Variants in PTGER3 observed in about 807,000 individuals in gnomAD.
PTGER3 encodes prostaglandin E2 receptor EP3 subtype.
Under a neutral mutation model 34.7 loss-of-function variants are expected in PTGER3, and 22 were observed. The observed-to-expected ratio is 0.63, with a 90% CI of 0.45 to 0.91. PTGER3 has a LOEUF of 0.91. Ranked by LOEUF, PTGER3 falls within the 40% of genes least tolerant of loss-of-function variation. The pLI is 0.00. For missense variants in PTGER3, 468 were observed against 519.4 expected, an observed-to-expected ratio of 0.90 and a Z score of 0.96; for synonymous variants, 241 against 230.1, an observed-to-expected ratio of 1.05 and a Z score of -0.43.
chr1:70,947,248 C>A (rs954990767), intron 4 of PTGER3: 3 of 152,118 alleles, frequency 2.0e-5, no homozygotes, highest in African/African-American at 4.8e-5. Context: ...AATTGTATCT[C>A]CCAGAATTCC....
chr1:70,960,242 C>T (rs1651789047), intron 2 of PTGER3, among the ~76,000 whole-genome samples: 1 of 152,130 alleles, frequency 6.6e-6, no homozygotes, highest in South Asian at 2.1e-4. Flanking sequence ...TGTGGTATTT[C>T]ATGATGTCAA....
Position 71,008,424 on chromosome 1 carries a change from T to C in PTGER3, c.1077+3881A>G, listed in dbSNP as rs1306145929. ...TATAAATTATAACCCTTAAATAGAA[T>C]CTTCATTTTAGGAATTATAAAAGGG... On this transcript the variant is annotated intron_variant, in intron 2 of 3. Transcript: ENST00000306666. The C allele has an allele frequency of 5.7e-6, 5 of 882,952 alleles. No homozygotes were observed. In the South Asian group the frequency reaches 2.6e-4, roughly 46 times the overall value. The allele number at this position is 882,952 out of a possible 1,614,324, so 54.7% of individuals were successfully genotyped here. A position where few individuals can be genotyped will look rare whatever the true frequency, so the allele number is the denominator to read the frequency against.
intron 2 of PTGER3, among the ~76,000 whole-genome samples, chr1:70,954,034 G>T (rs950496304): frequency 2.0e-5 from 3 of 152,080 alleles, no homozygotes; most frequent in Non-Finnish European, 4.4e-5. Flanking sequence ...CTAGTCATAG[G>T]CATGCTTTTC....
intron 2 of PTGER3, chr1:71,008,157 G>A (rs1657129660): frequency 1.0e-6 from 1 of 964,860 alleles, no homozygotes; most frequent in African/African-American, 1.8e-5. Flanking sequence ...TAGAGTCAAG[G>A]GGACTAGGAG....
intron 4 of PTGER3, among the ~76,000 whole-genome samples, chr1:70,867,832 A>G (rs1646075668): frequency 6.6e-6 from 1 of 152,198 alleles, no homozygotes; most frequent in East Asian, 1.9e-4. Flanking sequence ...GAGTCACAAG[A>G]CAGAAACTTG....
chr1:70,911,228 A>C (rs1557649099), intron 4 of PTGER3, among the ~76,000 whole-genome samples: 1 of 151,386 alleles, frequency 6.6e-6, no homozygotes, highest in Non-Finnish European at 1.5e-5. Flanking sequence ...CAGAGAGACA[A>C]GCAAACATAC....
intron 2 of PTGER3, among the ~76,000 whole-genome samples, chr1:70,981,371 CTTTCTTTCT>C (rs1291762672): frequency 4.9e-5 from 5 of 102,670 alleles, no homozygotes; most frequent in African/African-American, 1.6e-4. Flanking sequence ...TTCTTTCTTT[CTTTCTTTCT>C]TTCTTTCTTT....
At chr1:70,982,554 C>G (rs1444156678) in intron 2 of PTGER3, among the ~76,000 whole-genome samples, 1 of 152,146 alleles carries the variant, frequency 6.6e-6, no homozygotes, top group East Asian at 1.9e-4. Flanking sequence ...GACATCCCAA[C>G]ATACATGTTT....
chr1:70,999,906 C>T (rs1656324250), intron 2 of PTGER3, among the ~76,000 whole-genome samples: 1 of 152,160 alleles, frequency 6.6e-6, no homozygotes, highest in Non-Finnish European at 1.5e-5. Context: ...CAGAAGTGGT[C>T]CTGGATCAAA....
At chr1:70,936,266 A>AGTG (rs1477663492) in intron 4 of PTGER3, among the ~76,000 whole-genome samples, 1 of 152,176 alleles carries the variant, frequency 6.6e-6, no homozygotes, top group African/African-American at 2.4e-5. Context: ...AGGTGATTTT[A>AGTG]GTGCACACTA....
chr1:70,981,886 T>C (rs75723959), intron 2 of PTGER3, among the ~76,000 whole-genome samples: 36 of 152,236 alleles, frequency 2.4e-4, no homozygotes, highest in African/African-American at 7.5e-4. Flanking sequence ...AATTGACTCA[T>C]GGCCCTCCAG....
At chr1:70,925,823 T>C (rs1267509449) in intron 4 of PTGER3, among the ~76,000 whole-genome samples, 1 of 152,150 alleles carries the variant, frequency 6.6e-6, no homozygotes, top group Non-Finnish European at 1.5e-5. Context: ...TGTTCTAGGA[T>C]GTAAGTCGGT....
intron 2 of PTGER3, chr1:71,009,041 T>C (rs781775458): frequency 9.1e-6 from 9 of 985,072 alleles, no homozygotes; most frequent in Non-Finnish European, 1.1e-5. Flanking sequence ...AAAGAACTAT[T>C]AGTGATTGCT....
chr1:70,862,165 G>A (rs1645941522), intron 4 of PTGER3: 1 of 390,976 alleles, frequency 2.6e-6, no homozygotes, highest in Non-Finnish European at 4.1e-6. Context: ...GAATTTCAGG[G>A]AACCAAAATT....
At chr1:70,929,116 C>T (rs866766069) in intron 4 of PTGER3, among the ~76,000 whole-genome samples, 2 of 152,120 alleles carry the variant, frequency 1.3e-5, no homozygotes, top group Non-Finnish European at 2.9e-5. Context: ...TCATAGAAAA[C>T]ATATGACTTC....
At chr1:71,006,200 A>T in intron 2 of PTGER3, 1 of 985,382 alleles carries the variant, frequency 1.0e-6, no homozygotes, top group Non-Finnish European at 1.2e-6. Context: ...TGTAGAGACA[A>T]TAAGATCTGG....
At chr1:71,011,547 A>C in intron 2 of PTGER3, 3 of 985,164 alleles carry the variant, frequency 3.0e-6, no homozygotes, top group Non-Finnish European at 3.6e-6. Flanking sequence ...AGAAAGAATA[A>C]TTAGCAATTT....
At chr1:70,986,796 T>C (rs1202329413) in intron 2 of PTGER3, among the ~76,000 whole-genome samples, 1 of 152,108 alleles carries the variant, frequency 6.6e-6, no homozygotes, top group Non-Finnish European at 1.5e-5. Context: ...GGAGAAACCA[T>C]GAAAGACAAC....
intron 4 of PTGER3, among the ~76,000 whole-genome samples, chr1:70,864,796 G>A (rs1357121626): frequency 1.3e-5 from 2 of 152,186 alleles, no homozygotes; most frequent in Non-Finnish European, 2.9e-5. Flanking sequence ...TTATAGCTAA[G>A]TTTTGTAGAA....
Sources: gnomAD v4.1 joint callset for allele counts (sites outside exome capture counted in the v4.1 genomes callset) on GRCh38, gnomAD v4.1.1 for gene constraint, MANE v1.5 for transcripts, NCBI Gene and HGNC (gene_info 2026-07-23, HGNC 2026-07-21) for gene names.